The following INO80C variants were observed in gnomAD, a reference collection of about 807,000 sequenced individuals.
INO80C encodes INO80 complex subunit C.
INO80C carries 17 observed loss-of-function variants against 17.7 expected under a neutral mutation model. The ratio of observed to expected loss-of-function variants is 0.96; its 90% confidence interval spans 0.66 to 1.44. The LOEUF (loss-of-function observed/expected upper bound fraction) is 1.44. INO80C is among the 40% of genes most tolerant of loss of function. The pLI, the probability that INO80C is intolerant of heterozygous loss-of-function variation, is 0.00. For synonymous variants in INO80C, 96 were observed against 95.8 expected, an observed-to-expected ratio of 1.00 and a Z score of -0.01; for missense variants, 244 against 245.0, an observed-to-expected ratio of 1.00 and a Z score of 0.03.
chr18:35,482,420 G>T (rs1416296723), intron 1 of INO80C, among the ~76,000 whole-genome samples: 1 of 152,092 alleles, frequency 6.6e-6, no homozygotes, highest in Non-Finnish European at 1.5e-5. Flanking sequence ...CATTCATGTT[G>T]GGGGAAGAGG....
At chr18:35,483,209 G>C (rs1319763339) in intron 1 of INO80C, among the ~76,000 whole-genome samples, 1 of 152,060 alleles carries the variant, frequency 6.6e-6, no homozygotes, top group Non-Finnish European at 1.5e-5. Flanking sequence ...TTGCTTGTAT[G>C]ATTTTTTTTC....
intron 4 of INO80C, among the ~76,000 whole-genome samples, chr18:35,470,926 C>A (rs2045662155): frequency 6.6e-6 from 1 of 152,218 alleles, no homozygotes; most frequent in African/African-American, 2.4e-5. Context: ...CACAGGGAAG[C>A]CAGCAAACAG....
At chr18:35,485,321 A>T (rs1207497878) in intron 1 of INO80C, among the ~76,000 whole-genome samples, 1 of 152,210 alleles carries the variant, frequency 6.6e-6, no homozygotes, top group African/African-American at 2.4e-5. Flanking sequence ...GCAACAAACC[A>T]GTATATACAT....
At chr18:35,478,161 C>T (rs2045759654) in intron 4 of INO80C, 121 bp downstream of exon 4, 1 of 737,442 alleles carries the variant, frequency 1.4e-6, no homozygotes, top group Non-Finnish European at 2.2e-6. Flanking sequence ...AAACCTATCA[C>T]CTATCACTGT....
At chr18:35,497,548 T>G (rs1415657481) in intron 1 of INO80C, 171 bp downstream of exon 1, 16 of 1,410,850 alleles carry the variant, frequency 1.1e-5, no homozygotes, top group Non-Finnish European at 1.5e-5. Context: ...TAAGCCCATG[T>G]GTCCAAACGA....
chr18:35,475,666 C>T (rs1448576983), intron 4 of INO80C, among the ~76,000 whole-genome samples: 1 of 142,488 alleles, frequency 7.0e-6, no homozygotes, highest in African/African-American at 2.6e-5. Flanking sequence ...GAGTAAGACC[C>T]TGTCTTAAAA....
At position 35,468,695 on chromosome 18, in the gene INO80C, T is replaced by C. The variant is rs761435094; in HGVS notation, c.495A>G (p.Glu165=). The part of the protein sequence containing the change: ...PQSKLRFSTI[E]EFSYIRRLPS... The stretch of plus-strand genomic sequence containing the variant: ...GCAGCCTCCGAATGTAGGAAAACTC[T>C]TCAATGGTGCTGAACCGCAGTTTGC... Residue 165 remains glutamate (E), a synonymous_variant, in exon 5 of 5, where the codon GAA becomes GAG. Transcript: ENST00000334598. 5.0e-6 allele frequency: 8 copies of C among 1,614,034 alleles called. No individual in the cohort carries two copies. In the Admixed American group the frequency reaches 6.7e-5, roughly 13 times the overall value.
At chr18:35,480,587 TGAA>T in intron 1 of INO80C, 24 bp from the exon 2 acceptor site, 1 of 1,556,468 alleles carries the variant, frequency 6.4e-7, no homozygotes. Flanking sequence ...AAAAATAGTT[TGAA>T]GAAGTCAGTT....
chr18:35,478,624 A>G (rs570744373), intron 3 of INO80C, among the ~76,000 whole-genome samples: 1 of 152,258 alleles, frequency 6.6e-6, no homozygotes, highest in African/African-American at 2.4e-5. Context: ...TCATCTGCCC[A>G]CCAGCTATTT....
rs180829284 is a variant in INO80C, at chr18:35,497,208, C to A, written c.156+511G>T. ...TACACTCATTACTTCATAACCTTAA[C>A]AAGCCCATGAGTTAAGACCAAACCT... is the stretch of plus-strand genomic sequence containing the variant. On this transcript the variant is annotated intron_variant, in intron 1 of 4. Coordinates refer to ENST00000334598, the MANE Select transcript of INO80C (RefSeq NM_194281.4). The A allele has an allele frequency of 7.3e-5, 24 of 329,862 alleles. No individual in the cohort carries two copies. In the East Asian group the frequency reaches 3.9e-3, roughly 53 times the overall value. 20.4% of individuals were successfully genotyped at this position (329,862 alleles called of 1,614,324 possible).
At chr18:35,493,428 G>C (rs1376270048) in intron 1 of INO80C, among the ~76,000 whole-genome samples, 1 of 152,168 alleles carries the variant, frequency 6.6e-6, no homozygotes, top group South Asian at 2.1e-4. Context: ...AAGATGATTT[G>C]TACCACCCCT....
At chr18:35,483,843 TAG>T (rs1391798950) in intron 1 of INO80C, among the ~76,000 whole-genome samples, 2 of 152,278 alleles carry the variant, frequency 1.3e-5, no homozygotes, top group East Asian at 3.9e-4. Context: ...GGGAAGGAAA[TAG>T]AAGAGAGTAA....
intron 4 of INO80C, among the ~76,000 whole-genome samples, chr18:35,471,022 C>T (rs1005482783): frequency 4.6e-5 from 7 of 152,298 alleles, no homozygotes; most frequent in South Asian, 4.1e-4. Flanking sequence ...AGCTCTGTAA[C>T]GAGTGCTGAA....
chr18:35,484,986 A>G (rs2045855680), intron 1 of INO80C, among the ~76,000 whole-genome samples: 2 of 152,180 alleles, frequency 1.3e-5, no homozygotes, highest in South Asian at 4.1e-4. Context: ...GGAGGCTAGA[A>G]GTCCAAGAAC....
At chr18:35,476,906 A>G (rs948832151) in intron 4 of INO80C, among the ~76,000 whole-genome samples, 1 of 152,170 alleles carries the variant, frequency 6.6e-6, no homozygotes, top group Admixed American at 6.5e-5. Flanking sequence ...ACTCAACAAT[A>G]TGCTTTCAAC....
At chr18:35,472,902 G>T (rs1445566529) in intron 4 of INO80C, among the ~76,000 whole-genome samples, 1 of 152,144 alleles carries the variant, frequency 6.6e-6, no homozygotes, top group Non-Finnish European at 1.5e-5. Flanking sequence ...TGATTCTTCT[G>T]TGGGATTGTC....
Position 35,480,376 on chromosome 18 carries a change from T to G in INO80C, c.267+77A>C, listed in dbSNP as rs561661897. On this transcript the variant is annotated intron_variant, in intron 2 of 4. Transcript: ENST00000334598. ...GGAGGAGAGAATGCCAGTGCCACCC[T>G]GGCTACAGGCCCAGCAAGATCAGAG... 36 of 1,004,614 alleles carry G rather than the reference T, an allele frequency of 3.6e-5. 1 individual carries two copies. The East Asian group carries it at 8.6e-4, about 24-fold the overall frequency. 62.2% of individuals were successfully genotyped at this position (1,004,614 alleles called of 1,614,324 possible).
At chr18:35,480,368 T>C (rs959386190) in intron 2 of INO80C, 85 bp downstream of exon 2, 1 of 905,224 alleles carries the variant, frequency 1.1e-6, no homozygotes, top group African/African-American at 1.6e-5. Flanking sequence ...AGAATGCCAG[T>C]GCCACCCTGG....
chr18:35,479,669 T>C (rs1017446194), intron 2 of INO80C, among the ~76,000 whole-genome samples: 5 of 152,058 alleles, frequency 3.3e-5, no homozygotes, highest in African/African-American at 1.2e-4. Context: ...CTTCTTTATA[T>C]GCACGTAAAA....
Sources: allele counts gnomAD v4.1 joint callset (sites outside exome capture counted in the v4.1 genomes callset), GRCh38; gene constraint gnomAD v4.1.1; transcripts MANE v1.5; gene names NCBI Gene and HGNC (gene_info 2026-07-23, HGNC 2026-07-21).